Variants in DLG2 observed in about 807,000 individuals in gnomAD.
DLG2 encodes the protein disks large homolog 2.
In DLG2, 45 loss-of-function variants were observed where a neutral mutation model predicts 132.5. The observed-to-expected ratio is 0.34, with a 90% CI of 0.27 to 0.44. DLG2 has a LOEUF of 0.44. DLG2 is among the 20% of genes least tolerant of loss of function. The pLI is 1.00. For synonymous variants in DLG2, 424 were observed against 419.6 expected (o/e 1.01, Z -0.13); for missense variants, 1,045 against 1,196.9 (o/e 0.87, Z 1.87).
intron 18 of DLG2, among the ~76,000 whole-genome samples, chr11:83,636,531 A>G (rs983915549): frequency 3.9e-5 from 6 of 152,070 alleles, no homozygotes; most frequent in Admixed American, 3.3e-4. Flanking sequence ...CCAAGGCTTT[A>G]TTTCCGTCAA....
chr11:85,332,623 C>G (rs1208508008), intron 3 of DLG2, among the ~76,000 whole-genome samples: 1 of 152,058 alleles, frequency 6.6e-6, no homozygotes, highest in African/African-American at 2.4e-5. Flanking sequence ...ATCTTGAGTT[C>G]ATTCTTGTAT....
chr11:85,494,596 T>C (rs566735869), intron 3 of DLG2, among the ~76,000 whole-genome samples: 1 of 152,056 alleles, frequency 6.6e-6, no homozygotes, highest in East Asian at 1.9e-4. Flanking sequence ...ATACATTTTA[T>C]ATATTACATA....
chr11:85,576,922 G>C (rs2078192388), intron 3 of DLG2, among the ~76,000 whole-genome samples: 1 of 152,092 alleles, frequency 6.6e-6, no homozygotes, highest in Non-Finnish European at 1.5e-5. Flanking sequence ...GTAAGAAAGT[G>C]GGCAAAGAAT....
chr11:85,592,395 G>A (rs1359241594), intron 3 of DLG2, among the ~76,000 whole-genome samples: 1 of 152,130 alleles, frequency 6.6e-6, no homozygotes, highest in Non-Finnish European at 1.5e-5. Context: ...CTTATTTAAA[G>A]ATCCATGATA....
At chr11:85,488,398 A>AAAC (rs936702450) in intron 3 of DLG2, among the ~76,000 whole-genome samples, 5 of 151,908 alleles carry the variant, frequency 3.3e-5, no homozygotes, top group South Asian at 2.1e-4. Context: ...AAAAAAAAAA[A>AAAC]AACAACAACA....
chr11:85,082,735 C>CTTTTTTTTTTT (rs71036458), intron 6 of DLG2, among the ~76,000 whole-genome samples: 2 of 113,406 alleles, frequency 1.8e-5, no homozygotes, highest in African/African-American at 3.3e-5. Context: ...TCTTTTCTTT[C>CTTTTTTTTTTT]TTTTTTTTTT....
chr11:83,508,686 A>AAC (rs368834268), intron 21 of DLG2, among the ~76,000 whole-genome samples: 2 of 151,960 alleles, frequency 1.3e-5, no homozygotes, highest in East Asian at 1.9e-4. Context: ...CATACAGGCA[A>AAC]ACACACACAC....
intron 19 of DLG2, among the ~76,000 whole-genome samples, chr11:83,547,394 T>A (rs113146427): frequency 0.017 from 2,581 of 152,202 alleles, 80 homozygotes; most frequent in African/African-American, 0.059. Context: ...GGGGAGATTA[T>A]CCTGGATTAT....
At chr11:84,508,979 A>G (rs913493360) in intron 7 of DLG2, among the ~76,000 whole-genome samples, 1 of 152,266 alleles carries the variant, frequency 6.6e-6, no homozygotes, top group African/African-American at 2.4e-5. Context: ...AATTAGGCAC[A>G]AAATGTGGAA....
intron 6 of DLG2, among the ~76,000 whole-genome samples, chr11:84,836,337 A>T (rs1016749247): frequency 6.6e-6 from 1 of 151,700 alleles, no homozygotes; most frequent in African/African-American, 2.4e-5. Flanking sequence ...TTGAGTGCCA[A>T]TGTACCCGTC....
At chr11:85,299,264 G>C (rs971611303) in intron 3 of DLG2, among the ~76,000 whole-genome samples, 1 of 152,140 alleles carries the variant, frequency 6.6e-6, no homozygotes, top group Admixed American at 6.6e-5. Flanking sequence ...TTTATAACTG[G>C]CAGAGCTGGG....
intron 3 of DLG2, among the ~76,000 whole-genome samples, chr11:85,472,573 C>T (rs931165362): frequency 1.3e-5 from 2 of 152,190 alleles, no homozygotes; most frequent in African/African-American, 4.8e-5. Flanking sequence ...GCTGGGATTC[C>T]AGGCGTGAGC....
chr11:85,362,786 A>G (rs1479575475), intron 3 of DLG2, among the ~76,000 whole-genome samples: 1 of 152,180 alleles, frequency 6.6e-6, no homozygotes, highest in Non-Finnish European at 1.5e-5. Flanking sequence ...GAATAAATGA[A>G]AAAACAAAAA....
At chr11:85,021,217 C>G (rs531937224) in intron 6 of DLG2, 1 of 1,231,754 alleles carries the variant, frequency 8.1e-7, no homozygotes, top group Non-Finnish European at 1.2e-6. Context: ...TACACACTGA[C>G]GTTTCGAGGG....
intron 6 of DLG2, among the ~76,000 whole-genome samples, chr11:84,743,063 C>T (rs148636513): frequency 6.6e-5 from 10 of 152,212 alleles, no homozygotes; most frequent in South Asian, 2.1e-4. Flanking sequence ...ACTTTTTAAA[C>T]GTTTTACTTT....
At chr11:83,791,123 T>C in intron 17 of DLG2, 1 of 660,910 alleles carries the variant, frequency 1.5e-6, no homozygotes, top group Non-Finnish European at 2.7e-6. Flanking sequence ...CACCTCCATC[T>C]TGATGCACGT....
intron 17 of DLG2, among the ~76,000 whole-genome samples, chr11:83,796,542 T>G (rs967088998): frequency 1.3e-5 from 2 of 152,202 alleles, no homozygotes. Context: ...CAGGGAATTC[T>G]CCTTCCCTAG....
At chr11:84,421,013 A>G (rs1282434791) in intron 7 of DLG2, among the ~76,000 whole-genome samples, 1 of 151,944 alleles carries the variant, frequency 6.6e-6, no homozygotes, top group Admixed American at 6.6e-5. Flanking sequence ...CTAATCCTCA[A>G]TGCAGTGGTA....
rs1437187451 is a variant in DLG2 at position 84,934,513 on chromosome 11, TTGTTTTGTTTTG to T, written c.357+177136_357+177147del. On this transcript the variant is annotated intron_variant, in intron 6 of 27. Transcript: ENST00000376104. ...CTGTATGGTCCTGGGTGTTTTTTTT[TTGTTTTGTTTTG>T]TTTTTTTTTTTTTTTTTTTTTGGTG... Among the ~76,000 whole-genome samples the T allele has an allele frequency of 3.9e-4, 26 of 66,040 alleles. 3 individuals carry two copies. The highest frequency in any genetic ancestry group is 1.2e-3 in the African/African-American group (15 of 12,386). 43.3% of individuals were successfully genotyped at this position (66,040 alleles called of 152,430 possible).
Sources: allele counts gnomAD v4.1 joint callset (sites outside exome capture counted in the v4.1 genomes callset), GRCh38; gene constraint gnomAD v4.1.1; transcripts MANE v1.5; gene names NCBI Gene and HGNC (gene_info 2026-07-23, HGNC 2026-07-21).